CHRM3: variants seen among roughly 807,000 people sequenced by gnomAD.
CHRM3 encodes muscarinic acetylcholine receptor M3.
Under a neutral mutation model 41.8 loss-of-function variants are expected in CHRM3, and 11 were observed. The observed-to-expected ratio is 0.26, with a 90% CI of 0.17 to 0.44. The LOEUF (loss-of-function observed/expected upper bound fraction) is 0.44. Among genes scored for constraint, CHRM3 ranks in the 20% least tolerant of loss-of-function variants. The probability of loss-of-function intolerance (pLI) is 1.00; values close to 1 mark genes in which losing one functional copy is unlikely to be tolerated. For missense variants in CHRM3, 571 were observed against 745.4 expected (o/e 0.77, Z 2.72); for synonymous variants, 297 against 301.4 (o/e 0.99, Z 0.15).
At chr1:239,430,517 T>C (rs1662751435) in intron 1 of CHRM3, among the ~76,000 whole-genome samples, 1 of 152,200 alleles carries the variant, frequency 6.6e-6, no homozygotes, top group Non-Finnish European at 1.5e-5. Flanking sequence ...AATGTGATTA[T>C]AGGAAAACCA....
intron 1 of CHRM3, among the ~76,000 whole-genome samples, chr1:239,471,076 A>G (rs779045443): frequency 2.6e-5 from 4 of 152,262 alleles, no homozygotes; most frequent in Non-Finnish European, 5.9e-5. Context: ...CCTGTTGCAT[A>G]TACAAAAACT....
intron 5 of CHRM3, among the ~76,000 whole-genome samples, chr1:239,786,246 G>A (rs1237303521): frequency 6.6e-6 from 1 of 151,996 alleles, no homozygotes; most frequent in African/African-American, 2.4e-5. Context: ...CCCCCTCTCA[G>A]CTTTGTATAA....
intron 1 of CHRM3, among the ~76,000 whole-genome samples, chr1:239,418,353 G>A (rs965181868): frequency 1.3e-5 from 2 of 151,942 alleles, no homozygotes; most frequent in Admixed American, 6.6e-5. Flanking sequence ...GTGTGTGTGT[G>A]TATCTTTAAA....
chr1:239,407,417 T>TATATATATAGAG, intron 1 of CHRM3, among the ~76,000 whole-genome samples: 1 of 134,118 alleles, frequency 7.5e-6, no homozygotes, highest in African/African-American at 2.5e-5. Context: ...TATATATATA[T>TATATATATAGAG]AGAGAGAGAG....
intron 5 of CHRM3, among the ~76,000 whole-genome samples, chr1:239,792,381 G>A (rs1249551377): frequency 6.6e-6 from 1 of 152,080 alleles, no homozygotes; most frequent in Non-Finnish European, 1.5e-5. Context: ...AGCATTTAAG[G>A]TACAGAATTA....
intron 5 of CHRM3, among the ~76,000 whole-genome samples, chr1:239,744,729 G>A (rs763998556): frequency 4.6e-5 from 7 of 152,200 alleles, no homozygotes; most frequent in Non-Finnish European, 8.8e-5. Context: ...CACATAGGTA[G>A]ATGTAAGAGT....
At chr1:239,796,243 C>T (rs547688309) in intron 5 of CHRM3, among the ~76,000 whole-genome samples, 2 of 151,906 alleles carry the variant, frequency 1.3e-5, no homozygotes, top group South Asian at 4.2e-4. Context: ...CCCGTCTTTT[C>T]CATTAGAGCT....
rs1180661609 is a variant in CHRM3 at position 239,628,670 on chromosome 1, A to G, written c.-312-3554A>G. On this transcript the variant is annotated intron_variant, in intron 3 of 6. Transcript: ENST00000676153. ...GGTCTTTGATGATGGTGATGTACAG[A>G]TGGGTTTTCGGTGTGGATGTCCTTT... 1.8e-4 allele frequency among the ~76,000 whole-genome samples: 10 copies of G among 56,678 alleles called. 2 individuals carry two copies. The highest frequency in any genetic ancestry group is 5.1e-4 in the South Asian group (1 of 1,966). 37.2% of individuals were successfully genotyped at this position (56,678 alleles called of 152,430 possible).
intron 5 of CHRM3, among the ~76,000 whole-genome samples, chr1:239,785,931 C>T (rs1239245571): frequency 6.6e-6 from 1 of 152,122 alleles, no homozygotes; most frequent in Non-Finnish European, 1.5e-5. Flanking sequence ...GTTTAAAATT[C>T]TGTCCTCTGT....
chr1:239,887,987 C>T (rs1013147807), intron 6 of CHRM3, among the ~76,000 whole-genome samples: 3 of 152,132 alleles, frequency 2.0e-5, no homozygotes, highest in Non-Finnish European at 1.5e-5. Context: ...AAGGCCTTTA[C>T]TTTCATAGCC....
intron 3 of CHRM3, among the ~76,000 whole-genome samples, chr1:239,575,107 T>C (rs1662211444): frequency 6.6e-6 from 1 of 152,232 alleles, no homozygotes; most frequent in Non-Finnish European, 1.5e-5. Context: ...CATCCTATGA[T>C]AAGGATTAGA....
chr1:239,615,261 C>T (rs1572937309), intron 3 of CHRM3, among the ~76,000 whole-genome samples: 1 of 152,308 alleles, frequency 6.6e-6, no homozygotes, highest in East Asian at 1.9e-4. Context: ...GTAAGGTGAG[C>T]ATCTCTATTT....
chr1:239,640,339 G>C (rs1448690752), intron 4 of CHRM3, among the ~76,000 whole-genome samples: 1 of 152,162 alleles, frequency 6.6e-6, no homozygotes, highest in African/African-American at 2.4e-5. Flanking sequence ...CAGAAGGAAT[G>C]GTACCAGTTC....
chr1:239,661,727 T>C (rs1424873965), intron 4 of CHRM3, among the ~76,000 whole-genome samples: 5 of 152,166 alleles, frequency 3.3e-5, no homozygotes, highest in Non-Finnish European at 1.5e-5. Flanking sequence ...TATAATACTA[T>C]AATGGTGGAT....
At chr1:239,424,143 A>C (rs1662182210) in intron 1 of CHRM3, among the ~76,000 whole-genome samples, 2 of 151,170 alleles carry the variant, frequency 1.3e-5, no homozygotes, top group South Asian at 4.2e-4. Context: ...CTATTCTTTT[A>C]GTTGCGCAAT....
At chr1:239,440,651 T>C (rs765439621) in intron 1 of CHRM3, among the ~76,000 whole-genome samples, 5 of 152,176 alleles carry the variant, frequency 3.3e-5, no homozygotes, top group Non-Finnish European at 5.9e-5. Context: ...AGTATATTTA[T>C]CATTAAAGTG....
chr1:239,767,457 C>A (rs1358294444), intron 5 of CHRM3, among the ~76,000 whole-genome samples: 3 of 152,236 alleles, frequency 2.0e-5, no homozygotes, highest in Admixed American at 2.0e-4. Flanking sequence ...ATAATAAAAA[C>A]AGCTTCTTGA....
rs143477289 is a variant in CHRM3 at position 239,395,963 on chromosome 1, G to T, written c.-521+8736G>T. Among the ~76,000 whole-genome samples, 465 of 152,262 alleles carry T rather than the reference G, an allele frequency of 3.1e-3. 3 individuals are homozygous for T. The highest frequency in any genetic ancestry group is 0.019 in the Admixed American group (289 of 15,290). On this transcript the variant is annotated intron_variant, in intron 1 of 6. Transcript: ENST00000676153. ...TCACCCTATTTCATGGCTTGGGTTT[G>T]CATGTTGAGTTCAGTCTCAAGTCTC... is the stretch of plus-strand genomic sequence containing the variant.
intron 1 of CHRM3, among the ~76,000 whole-genome samples, chr1:239,456,353 T>C (rs1220885634): frequency 6.6e-6 from 1 of 152,206 alleles, no homozygotes; most frequent in Non-Finnish European, 1.5e-5. Flanking sequence ...GAACTTTTAG[T>C]GTACCTTTTC....
Sources: allele counts gnomAD v4.1 joint callset (sites outside exome capture counted in the v4.1 genomes callset), GRCh38; gene constraint gnomAD v4.1.1; transcripts MANE v1.5; gene names NCBI Gene and HGNC (gene_info 2026-07-23, HGNC 2026-07-21).